DYM: variants seen among roughly 807,000 people sequenced by gnomAD.
DYM encodes dymeclin.
In DYM, 78 loss-of-function variants were observed where a neutral mutation model predicts 93.1. The observed-to-expected ratio is 0.84, with a 90% CI of 0.70 to 1.01. The LOEUF (loss-of-function observed/expected upper bound fraction) is 1.01, where lower values mean the gene tolerates loss of function less well. DYM is among the 50% of genes least tolerant of loss of function. The probability of loss-of-function intolerance (pLI) is 0.00; values close to 1 mark genes in which losing one functional copy is unlikely to be tolerated. For synonymous variants in DYM, 321 were observed against 319.7 expected, an observed-to-expected ratio of 1.00 and a Z score of -0.04; for missense variants, 789 against 845.0, an observed-to-expected ratio of 0.93 and a Z score of 0.82.
At chr18:49,457,029 T>G (rs142723444) in intron 1 of DYM, among the ~76,000 whole-genome samples, 1 of 152,190 alleles carries the variant, frequency 6.6e-6, no homozygotes, top group African/African-American at 2.4e-5. Flanking sequence ...AGATTAGTCC[T>G]CTCTCTGTCC....
At chr18:49,162,746 C>T (rs1273504567) in intron 15 of DYM, among the ~76,000 whole-genome samples, 1 of 152,220 alleles carries the variant, frequency 6.6e-6, no homozygotes, top group African/African-American at 2.4e-5. Context: ...CTGATGAGAG[C>T]AGAGCCAATT....
chr18:49,082,169 A>G lies in DYM; in HGVS notation c.2025+15233T>C, dbSNP rs181886463. Among the ~76,000 whole-genome samples, 41 of 152,372 alleles carry G rather than the reference A, an allele frequency of 2.7e-4. 1 individual carries two copies. The East Asian group carries it at 7.1e-3, about 26-fold the overall frequency. ...AGGCCAGAAATATCAAGAGTCTTCC[A>G]TGTGAGGTGCTTGCCACCATGCCAC... is the stretch of plus-strand genomic sequence containing the variant. On this transcript the variant is annotated intron_variant, in intron 17 of 17. Coordinates refer to ENST00000675505, the MANE Select transcript of DYM (RefSeq NM_001353214.3).
At position 49,292,597 on chromosome 18, in the gene DYM, A is replaced by G. The variant is rs12605570; in HGVS notation, c.764-5981T>C. On this transcript the variant is annotated intron_variant, in intron 8 of 17. Transcript: ENST00000675505. ...GGAATTGCATTTTCCTGTTGGAAAA[A>G]AAAAAAAAAAAAAAAAAAAAAAAAA... Among the ~76,000 whole-genome samples the G allele has an allele frequency of 5.3e-4, 5 of 9,492 alleles. 1 individual carries two copies. Among genetic ancestry groups the G allele is most frequent in the Non-Finnish European group, 1.4e-3 (4 of 2,854 alleles). The allele number at this position is 9,492 out of a possible 152,430, so 6.2% of individuals were successfully genotyped here.
chr18:49,271,193 AT>A (rs759537999), intron 11 of DYM, among the ~76,000 whole-genome samples: 1 of 152,176 alleles, frequency 6.6e-6, no homozygotes, highest in African/African-American at 2.4e-5. Context: ...CTGTTGAAGT[AT>A]TGGGGGTAGA....
chr18:49,406,268 C>T (rs2071486460), intron 2 of DYM, among the ~76,000 whole-genome samples: 1 of 152,056 alleles, frequency 6.6e-6, no homozygotes, highest in Non-Finnish European at 1.5e-5. Flanking sequence ...AATAAAATGG[C>T]TATTACTTTG....
chr18:49,284,363 G>C (rs1168406409), intron 9 of DYM, among the ~76,000 whole-genome samples: 2 of 152,164 alleles, frequency 1.3e-5, no homozygotes, highest in African/African-American at 4.8e-5. Context: ...GATCAGCCCT[G>C]ATGGATATGA....
At chr18:49,388,870 C>A (rs1490032210) in intron 3 of DYM, among the ~76,000 whole-genome samples, 1 of 137,792 alleles carries the variant, frequency 7.3e-6, no homozygotes, top group South Asian at 2.2e-4. Flanking sequence ...TCCAGCAAAA[C>A]ATATGCTTCA....
chr18:49,368,902 T>G (rs547644927), intron 5 of DYM, among the ~76,000 whole-genome samples: 14 of 152,334 alleles, frequency 9.2e-5, no homozygotes, highest in African/African-American at 3.4e-4. Flanking sequence ...TTTCCTATCT[T>G]GTATCACTTT....
At chr18:49,080,813 C>T (rs1255109921) in intron 17 of DYM, among the ~76,000 whole-genome samples, 1 of 150,622 alleles carries the variant, frequency 6.6e-6, no homozygotes, top group Middle Eastern at 3.3e-3. Context: ...AGGGTCTCCT[C>T]ACTTCTCAGA....
chr18:49,384,410 G>C (rs2068372942), intron 3 of DYM, among the ~76,000 whole-genome samples: 1 of 150,090 alleles, frequency 6.7e-6, no homozygotes, highest in Admixed American at 6.7e-5. Flanking sequence ...AAGATCACTT[G>C]AGGTCAGAAG....
At chr18:49,199,971 A>G (rs1009168589) in intron 14 of DYM, among the ~76,000 whole-genome samples, 1 of 152,140 alleles carries the variant, frequency 6.6e-6, no homozygotes, top group Admixed American at 6.5e-5. Context: ...TTATAAATCC[A>G]TTCAGTTAAA....
intron 1 of DYM, among the ~76,000 whole-genome samples, chr18:49,445,706 C>A (rs964773518): frequency 6.6e-6 from 1 of 152,258 alleles, no homozygotes; most frequent in East Asian, 1.9e-4. Context: ...CTGAAAAAGG[C>A]ATGAAACCTC....
chr18:49,231,657 T>C (rs1374611282), intron 13 of DYM, among the ~76,000 whole-genome samples: 1 of 152,228 alleles, frequency 6.6e-6, no homozygotes, highest in Non-Finnish European at 1.5e-5. Context: ...AGGATCAGCA[T>C]GTTTCCTTTG....
intron 6 of DYM, among the ~76,000 whole-genome samples, chr18:49,341,367 C>A (rs2064111120): frequency 6.6e-6 from 1 of 152,004 alleles, no homozygotes. Context: ...TGGCAGGCAC[C>A]TGTAGTCCCA....
Position 49,280,666 on chromosome 18 carries a change from G to A in DYM, c.1125+1331C>T, listed in dbSNP as rs75604681. 3.3e-3 allele frequency among the ~76,000 whole-genome samples: 507 copies of A among 152,328 alleles called. 2 individuals are homozygous for A. The highest frequency in any genetic ancestry group is 5.2e-3 in the Admixed American group (80 of 15,294). ...CTGGGAGGCCACCTCCACATGAGCT[G>A]TGTCTTATGCTGGAGAAGCTCCTAC... On this transcript the variant is annotated intron_variant, in intron 10 of 17. Transcript: ENST00000675505.
At chr18:49,053,328 T>C (rs962606004) in intron 17 of DYM, among the ~76,000 whole-genome samples, 2 of 152,164 alleles carry the variant, frequency 1.3e-5, no homozygotes, top group African/African-American at 4.8e-5. Flanking sequence ...TGCAATAATT[T>C]TATTACCACG....
At chr18:49,209,049 G>A (rs1010405170) in intron 14 of DYM, among the ~76,000 whole-genome samples, 4 of 152,156 alleles carry the variant, frequency 2.6e-5, no homozygotes, top group Admixed American at 6.5e-5. Flanking sequence ...CACTCTGTAT[G>A]TAAATAAAAT....
chr18:49,152,901 T>A (rs373484036), intron 15 of DYM, among the ~76,000 whole-genome samples: 1 of 152,066 alleles, frequency 6.6e-6, no homozygotes. Flanking sequence ...CTCACTTAGA[T>A]GTGAAATCCA....
At chr18:49,245,374 C>A (rs1281873579) in intron 13 of DYM, among the ~76,000 whole-genome samples, 1 of 152,162 alleles carries the variant, frequency 6.6e-6, no homozygotes, top group African/African-American at 2.4e-5. Context: ...CCATATTTTT[C>A]TTCTTGCAGA....
Sources: gnomAD v4.1 joint callset for allele counts (sites outside exome capture counted in the v4.1 genomes callset) on GRCh38, gnomAD v4.1.1 for gene constraint, MANE v1.5 for transcripts, NCBI Gene and HGNC (gene_info 2026-07-23, HGNC 2026-07-21) for gene names.